The following CCDC92B variants were observed in gnomAD, a reference collection of about 807,000 sequenced individuals.
CCDC92B encodes the protein coiled-coil domain containing 92B.
Under a neutral mutation model 5.6 loss-of-function variants are expected in CCDC92B, and 2 were observed. The observed-to-expected ratio is 0.36, with a 90% CI of 0.15 to 1.12. The LOEUF (loss-of-function observed/expected upper bound fraction) is 1.12, where lower values mean the gene tolerates loss of function less well. Ranked by LOEUF, CCDC92B falls within the 50% of genes most tolerant of loss-of-function variation. The pLI is 0.40. For synonymous variants in CCDC92B, 115 were observed against 122.3 expected, an observed-to-expected ratio of 0.94 and a Z score of 0.39; for missense variants, 271 against 262.2, an observed-to-expected ratio of 1.03 and a Z score of -0.23.
At chr17:2,732,642 G>A (rs1371560711) in intron 2 of CCDC92B, among the ~76,000 whole-genome samples, 5 of 151,968 alleles carry the variant, frequency 3.3e-5, no homozygotes, top group East Asian at 1.9e-4. Flanking sequence ...GCTTGAACCC[G>A]GGAGGCAGAG....
At chr17:2,736,773 C>A (rs1298863704) in intron 1 of CCDC92B, among the ~76,000 whole-genome samples, 2 of 151,426 alleles carry the variant, frequency 1.3e-5, no homozygotes, top group East Asian at 3.9e-4. Flanking sequence ...CTCAGCTACT[C>A]GGGAGGCTGA....
chr17:2,740,432 C>T (rs1375168652), intron 1 of CCDC92B, among the ~76,000 whole-genome samples: 1 of 151,908 alleles, frequency 6.6e-6, no homozygotes, highest in Non-Finnish European at 1.5e-5. Context: ...GAGGCTGAGG[C>T]AGGCTGATCA....
At chr17:2,733,320 C>T (rs2070818308) in intron 2 of CCDC92B, among the ~76,000 whole-genome samples, 1 of 149,900 alleles carries the variant, frequency 6.7e-6, no homozygotes, top group African/African-American at 2.5e-5. Flanking sequence ...AGTGCAATGG[C>T]ATGATCTCGG....
intron 1 of CCDC92B, among the ~76,000 whole-genome samples, chr17:2,737,147 G>A (rs1436273327): frequency 6.6e-6 from 1 of 152,010 alleles, no homozygotes; most frequent in East Asian, 2.0e-4. Flanking sequence ...GAGGCAGACC[G>A]CGAACACTGG....
At chr17:2,731,267 G>A (rs1035654340) in intron 2 of CCDC92B, among the ~76,000 whole-genome samples, 1 of 152,000 alleles carries the variant, frequency 6.6e-6, no homozygotes, top group East Asian at 1.9e-4. Flanking sequence ...TGTCCCCCCA[G>A]TCTCCATTCC....
rs533157087 is a variant in CCDC92B at position 2,738,758 on chromosome 17, CAAAAAAA to C, written c.-23-3597_-23-3591del. Among the ~76,000 whole-genome samples, 37 of 89,792 alleles carry C rather than the reference CAAAAAAA, an allele frequency of 4.1e-4. No individual in the cohort carries two copies. In the East Asian group the frequency reaches 0.012, roughly 28 times the overall value. The allele number at this position is 89,792 out of a possible 152,430, so 58.9% of individuals were successfully genotyped here. ...CTGGGTGACAGAGCAAGACTCGTCT[CAAAAAAA>C]AAAAAAAGAAAAAAGAAATGTAAGG... On this transcript the variant is annotated intron_variant, in intron 1 of 3. Coordinates refer to ENST00000614400, the MANE Select transcript of CCDC92B (RefSeq NM_001355573.2).
At chr17:2,735,432 C>A (rs540070786) in intron 1 of CCDC92B, among the ~76,000 whole-genome samples, 2 of 152,060 alleles carry the variant, frequency 1.3e-5, no homozygotes, top group Non-Finnish European at 1.5e-5. Context: ...TCCCATGTAA[C>A]TTTTTTTCTT....
At chr17:2,734,319 C>T (rs1567614659) in intron 2 of CCDC92B, among the ~76,000 whole-genome samples, 1 of 152,122 alleles carries the variant, frequency 6.6e-6, no homozygotes, top group Non-Finnish European at 1.5e-5. Flanking sequence ...TCAAGCTGGA[C>T]ATGCTCCTGC....
At chr17:2,737,622 C>T (rs2070871761) in intron 1 of CCDC92B, among the ~76,000 whole-genome samples, 1 of 151,750 alleles carries the variant, frequency 6.6e-6, no homozygotes, top group African/African-American at 2.4e-5. Flanking sequence ...CAGGCGCCCA[C>T]CACCACGCCC....
chr17:2,748,627 C>G, intron 1 of CCDC92B: 1 of 982,674 alleles, frequency 1.0e-6, no homozygotes, highest in African/African-American at 1.7e-5. Context: ...TTGCAAGGAA[C>G]AGGCCCACAA....
chr17:2,727,619 T>A lies in CCDC92B; in HGVS notation c.179-2619A>T, dbSNP rs1301787720. Among the ~76,000 whole-genome samples the A allele has an allele frequency of 1.0e-4, 15 of 150,702 alleles. No individual in the cohort carries two copies. In the East Asian group the frequency reaches 1.4e-3, roughly 14 times the overall value. On this transcript the variant is annotated intron_variant, in intron 3 of 3. Transcript: ENST00000614400. ...GGTGGGCGGATCACAAGGTCAGGAG[T>A]TCGAGACCAGCCTGGCCAGCATGGC...
chr17:2,749,086 G>T (rs961197892), intron 1 of CCDC92B, among the ~76,000 whole-genome samples: 2 of 152,220 alleles, frequency 1.3e-5, no homozygotes, highest in Non-Finnish European at 2.9e-5. Flanking sequence ...GGTTGGGGGG[G>T]GGATGTGGAG....
intron 1 of CCDC92B, among the ~76,000 whole-genome samples, chr17:2,741,928 G>A (rs55846532): frequency 6.8e-6 from 1 of 146,364 alleles, no homozygotes; most frequent in Non-Finnish European, 1.5e-5. Context: ...GGAGGTTGCA[G>A]TGAGCCGAGA....
chr17:2,741,394 G>A (rs1307374980), intron 1 of CCDC92B, among the ~76,000 whole-genome samples: 1 of 151,890 alleles, frequency 6.6e-6, no homozygotes, highest in African/African-American at 2.4e-5. Context: ...AAGAACTTTT[G>A]GGCTGGGTGC....
At chr17:2,745,996 C>CT (rs2151746145) in intron 1 of CCDC92B, among the ~76,000 whole-genome samples, 1 of 151,798 alleles carries the variant, frequency 6.6e-6, no homozygotes, top group African/African-American at 2.4e-5. Flanking sequence ...TTTTTTTCCC[C>CT]CCGAGATGGA....
Position 2,724,080 on chromosome 17 carries a change from T to TC in CCDC92B, c.*330dup. On this transcript the variant is annotated 3_prime_UTR_variant, in exon 4 of 4. Coordinates refer to ENST00000614400, the MANE Select transcript of CCDC92B (RefSeq NM_001355573.2). The surrounding 1 kb of genome is among the most constrained non-coding windows in gnomAD (Gnocchi z 5.0). ...CCACCCCACCAAGGATTGTCGGCTT[T>TC]CCCGGGGAAGGGCGTGGCCCCCGCC... The TC allele has an allele frequency of 8.1e-6, 8 of 985,146 alleles. No homozygotes were observed. The highest frequency in any genetic ancestry group is 9.6e-6 in the Non-Finnish European group (8 of 829,856). 61.0% of individuals were successfully genotyped at this position (985,146 alleles called of 1,614,324 possible). A position where few individuals can be genotyped will look rare whatever the true frequency, so the allele number is the denominator to read the frequency against.
intron 1 of CCDC92B, among the ~76,000 whole-genome samples, chr17:2,741,747 C>T (rs536667420): frequency 8.6e-5 from 13 of 151,042 alleles, no homozygotes; most frequent in African/African-American, 3.2e-4. Context: ...GGCCCACGAC[C>T]GCGCCTGGCT....
At chr17:2,748,913 G>A (rs1022412205) in intron 1 of CCDC92B, among the ~76,000 whole-genome samples, 5 of 151,950 alleles carry the variant, frequency 3.3e-5, no homozygotes, top group Non-Finnish European at 7.4e-5. Flanking sequence ...CCTCAACTCT[G>A]GCTGCCCCCT....
intron 1 of CCDC92B, chr17:2,748,456 A>G: frequency 1.0e-6 from 1 of 962,790 alleles, no homozygotes; most frequent in East Asian, 1.2e-4. Flanking sequence ...GTGTGCACGC[A>G]TGCCTGCACG....
Sources: allele counts gnomAD v4.1 joint callset (sites outside exome capture counted in the v4.1 genomes callset), GRCh38; gene constraint gnomAD v4.1.1; non-coding constraint Gnocchi (gnomAD v3.1); transcripts MANE v1.5; gene names NCBI Gene and HGNC (gene_info 2026-07-23, HGNC 2026-07-21).